Variants in SV2B observed in about 807,000 individuals in gnomAD.
The protein encoded by SV2B is synaptic vesicle glycoprotein 2B.
A neutral mutation model predicts 73.9 loss-of-function variants in SV2B; 41 were observed. That is an observed-to-expected ratio of 0.56 (90% CI 0.43 to 0.72). The LOEUF (loss-of-function observed/expected upper bound fraction) is 0.72. Among genes scored for constraint, SV2B ranks in the 30% least tolerant of loss-of-function variants. The probability of loss-of-function intolerance (pLI) is 0.00; values close to 1 mark genes in which losing one functional copy is unlikely to be tolerated. For synonymous variants in SV2B, 314 were observed against 314.2 expected (o/e 1.00, Z 0.01); for missense variants, 764 against 857.8 (o/e 0.89, Z 1.37).
Position 91,301,601 on chromosome 15 carries a change from G to A in SV2B, c.*9049G>A, listed in dbSNP as rs2049445686. On this transcript the variant is annotated 3_prime_UTR_variant, in exon 13 of 13. Transcript: ENST00000394232. This position sits in a 1 kb window ranked among gnomAD's most constrained non-coding sequence, Gnocchi z 4.3. Reference sequence around the variant, plus strand: ...TTTAACCTTCATAATAACCTAATGAGTAAGTGTTATTTTCTTCCCTTTAGA... The same window carrying A: ...TTTAACCTTCATAATAACCTAATGAATAAGTGTTATTTTCTTCCCTTTAGA... 2.0e-5 allele frequency among the ~76,000 whole-genome samples: 3 copies of A among 152,172 alleles called. No individual in the cohort carries two copies. The highest frequency in any genetic ancestry group is 2.1e-4 in the South Asian group (1 of 4,830).
chr15:91,201,937 G>T (rs1216323475), intron 1 of SV2B, among the ~76,000 whole-genome samples: 1 of 152,164 alleles, frequency 6.6e-6, no homozygotes, highest in Non-Finnish European at 1.5e-5. Context: ...CAACATAGCA[G>T]CCAGGTGATC....
intron 1 of SV2B, among the ~76,000 whole-genome samples, chr15:91,146,095 C>T (rs1351784250): frequency 6.6e-6 from 1 of 152,088 alleles, no homozygotes; most frequent in Non-Finnish European, 1.5e-5. Flanking sequence ...GGTTGTCTTC[C>T]AGAGTTTTCT....
rs1382313578 is a variant in SV2B at position 91,184,897 on chromosome 15, C to T, written c.-391-40976C>T. On this transcript the variant is annotated intron_variant, in intron 1 of 12. Transcript: ENST00000394232. The stretch of plus-strand genomic sequence containing the variant: ...GTACACAGGCAGATATACATGTATA[C>T]CTAGTGTACTAATGATAGTATAATG... Among the ~76,000 whole-genome samples, 3 of 152,210 alleles carry T rather than the reference C, an allele frequency of 2.0e-5. No individual in the cohort carries two copies. The East Asian group carries it at 5.8e-4, about 29-fold the overall frequency.
Position 91,281,834 on chromosome 15 carries a change from A to T in SV2B, c.1480A>T (p.Ile494Phe), listed in dbSNP as rs769638638. 2.5e-6 allele frequency: 4 copies of T among 1,612,908 alleles called. No homozygotes were observed. The Admixed American group carries it at 6.7e-5, about 27-fold the overall frequency. ...STDTYFKNCT[I>F]ESTIFYNTDL... ...AGATACCTACTTCAAAAATTGTACC[A>T]TTGAATCAACCATCTTTTACAACAC... Residue 494 changes from isoleucine (I) to phenylalanine (F), a missense_variant, in exon 10 of 13, where the codon ATT (isoleucine) becomes TTT (phenylalanine). By Grantham distance (21) the Ile-to-Phe change is conservative. Coordinates refer to ENST00000394232, the MANE Select transcript of SV2B (RefSeq NM_001323032.3). The surrounding 1 kb of genome is among the most constrained non-coding windows in gnomAD (Gnocchi z 4.7).
chr15:91,150,876 C>T (rs537354462), intron 1 of SV2B, among the ~76,000 whole-genome samples: 82 of 152,300 alleles, frequency 5.4e-4, no homozygotes, highest in Admixed American at 1.0e-3. Flanking sequence ...ACAGATGGCT[C>T]CATGGGGAAG....
rs75680058 is a variant in SV2B, at chr15:91,160,937, C to T, written c.-392+60574C>T. On this transcript the variant is annotated intron_variant, in intron 1 of 12. Transcript: ENST00000394232. Reference sequence around the variant, plus strand: ...GACTGTCAGCTGGTGAGTGAATAGACAAAATGTGGCTTATCCATACAGTGA... The same window carrying T: ...GACTGTCAGCTGGTGAGTGAATAGATAAAATGTGGCTTATCCATACAGTGA... Among the ~76,000 whole-genome samples, 1,466 of 152,254 alleles carry T rather than the reference C, an allele frequency of 9.6e-3. 9 individuals are homozygous for T. Among genetic ancestry groups the T allele is most frequent in the Non-Finnish European group, 0.017 (1,128 of 68,006 alleles).
In SV2B at chr15:91,265,687, A is replaced by C. The variant is rs2048074650; in HGVS notation, c.1009-895A>C. ...GCAGAGCCTGCTTTGTTAGTTCTGA[A>C]GCTTCTCTGTCTGACCTCAGGCGGA... is the stretch of plus-strand genomic sequence containing the variant. On this transcript the variant is annotated intron_variant, in intron 6 of 12. Coordinates refer to ENST00000394232, the MANE Select transcript of SV2B (RefSeq NM_001323032.3). The surrounding 1 kb of genome is among the most constrained non-coding windows in gnomAD (Gnocchi z 4.2). Among the ~76,000 whole-genome samples the C allele has an allele frequency of 6.6e-6, 1 of 152,194 alleles. No individual in the cohort carries two copies. The highest frequency in any genetic ancestry group is 2.4e-5 in the African/African-American group (1 of 41,438).
In SV2B at chr15:91,245,649, C is replaced by A. The variant is rs2047193001; in HGVS notation, c.452-6170C>A. 6.6e-6 allele frequency among the ~76,000 whole-genome samples: 1 copy of A among 152,186 alleles called. No individual in the cohort carries two copies. On this transcript the variant is annotated intron_variant, in intron 2 of 12. Transcript: ENST00000394232. The surrounding 1 kb of genome is among the most constrained non-coding windows in gnomAD (Gnocchi z 4.2). ...TGCTAGAGACACAGTGTCGAACTCT[C>A]CTCAAGCAAAATCAACATGGTCCCT...
intron 1 of SV2B, among the ~76,000 whole-genome samples, chr15:91,219,198 C>A (rs550352799): frequency 2.0e-5 from 3 of 152,178 alleles, no homozygotes; most frequent in Non-Finnish European, 1.5e-5. Context: ...ATCCACCCAA[C>A]TTGGCCTCCC....
At chr15:91,125,605 C>T (rs1288685023) in intron 1 of SV2B, among the ~76,000 whole-genome samples, 1 of 151,572 alleles carries the variant, frequency 6.6e-6, no homozygotes, top group East Asian at 1.9e-4. Context: ...AACCCTGTCA[C>T]TACCCAAAAT....
chr15:91,189,533 A>G (rs950468863), intron 1 of SV2B, among the ~76,000 whole-genome samples: 6 of 152,206 alleles, frequency 3.9e-5, no homozygotes, highest in Admixed American at 6.5e-5. Context: ...AGTTTTCTCC[A>G]AAGTACCTTA....
At chr15:91,198,929 T>C (rs1484398419) in intron 1 of SV2B, among the ~76,000 whole-genome samples, 1 of 152,238 alleles carries the variant, frequency 6.6e-6, no homozygotes, top group Admixed American at 6.5e-5. Context: ...TGGTTTTGCA[T>C]GCACATTTGA....
chr15:91,224,721 T>TA lies in SV2B; in HGVS notation c.-391-1151dup, dbSNP rs2046320061. On this transcript the variant is annotated intron_variant, in intron 1 of 12. Transcript: ENST00000394232. The surrounding 1 kb of genome is among the most constrained non-coding windows in gnomAD (Gnocchi z 4.9). ...AGTTTGATTATCTCTCAAATGAAGA[T>TA]ACAGATGATTTTTTTTCTTTCTTTT... is the stretch of plus-strand genomic sequence containing the variant. 6.6e-6 allele frequency among the ~76,000 whole-genome samples: 1 copy of TA among 152,154 alleles called. No homozygotes were observed. Among genetic ancestry groups the TA allele is most frequent in the African/African-American group, 2.4e-5 (1 of 41,434 alleles).
chr15:91,107,076 GT>G (rs148110411), intron 1 of SV2B, among the ~76,000 whole-genome samples: 1 of 151,062 alleles, frequency 6.6e-6, no homozygotes, highest in East Asian at 1.9e-4. Context: ...GAAAGTGGTT[GT>G]GTGTGTGTGT....
intron 9 of SV2B, among the ~76,000 whole-genome samples, chr15:91,276,709 C>T (rs555900773): frequency 5.9e-5 from 9 of 151,422 alleles, no homozygotes; most frequent in African/African-American, 1.9e-4. Flanking sequence ...ACTGCTCATG[C>T]GTGTTAACCA....
rs540332282 is a variant in SV2B, at chr15:91,241,339, A to T, written c.452-10480A>T. Reference sequence around the variant, plus strand: ...CCTGGTTGCATCCGACTTTTCCTCCATCTGTCCCTAAACCCCGTTGCTGCA... The same window carrying T: ...CCTGGTTGCATCCGACTTTTCCTCCTTCTGTCCCTAAACCCCGTTGCTGCA... On this transcript the variant is annotated intron_variant, in intron 2 of 12. Transcript: ENST00000394232. The surrounding 1 kb of genome is among the most constrained non-coding windows in gnomAD (Gnocchi z 4.8). Among the ~76,000 whole-genome samples, 2 of 152,058 alleles carry T rather than the reference A, an allele frequency of 1.3e-5. No individual in the cohort carries two copies. The highest frequency in any genetic ancestry group is 4.8e-5 in the African/African-American group (2 of 41,406).
chr15:91,112,195 G>A (rs188444003), intron 1 of SV2B, among the ~76,000 whole-genome samples: 6 of 152,248 alleles, frequency 3.9e-5, no homozygotes, highest in Non-Finnish European at 8.8e-5. Context: ...GAAGTAGCAG[G>A]ACGCCCACTA....
In SV2B at chr15:91,105,438, T is replaced by A. The variant is rs2041856836; in HGVS notation, c.-392+5075T>A. ...CCGAGGCAACAGATAACTGGCATGT[T>A]CCAGGAACAGCAAGGTGGCTTATGT... On this transcript the variant is annotated intron_variant, in intron 1 of 12. Transcript: ENST00000394232. The surrounding 1 kb of genome is among the most constrained non-coding windows in gnomAD (Gnocchi z 5.5). Among the ~76,000 whole-genome samples the A allele has an allele frequency of 2.0e-5, 3 of 152,176 alleles. No homozygotes were observed. The South Asian group carries it at 6.2e-4, about 32-fold the overall frequency.
At position 91,252,636 on chromosome 15, in the gene SV2B, C is replaced by A. The variant is rs371311192; in HGVS notation, c.784+116C>A. ...ACTCACGCACAGTTCCCGTACGTGA[C>A]CTTGATCTTTCTTAACAACTTCTAA... On this transcript the variant is annotated intron_variant, in intron 4 of 12. Coordinates refer to ENST00000394232, the MANE Select transcript of SV2B (RefSeq NM_001323032.3). The surrounding 1 kb of genome is among the most constrained non-coding windows in gnomAD (Gnocchi z 4.6). 5 of 1,108,220 alleles carry A rather than the reference C, an allele frequency of 4.5e-6. No homozygotes were observed. The highest frequency in any genetic ancestry group is 3.1e-5 in the East Asian group (1 of 31,872). 68.6% of individuals were successfully genotyped at this position (1,108,220 alleles called of 1,614,324 possible). A position where few individuals can be genotyped will look rare whatever the true frequency, so the allele number is the denominator to read the frequency against.
Sources: gnomAD v4.1 joint callset for allele counts (sites outside exome capture counted in the v4.1 genomes callset) on GRCh38, gnomAD v4.1.1 for gene constraint, Gnocchi (gnomAD v3.1) non-coding constraint, MANE v1.5 for transcripts, NCBI Gene and HGNC (gene_info 2026-07-23, HGNC 2026-07-21) for gene names.